CYTH3: variants seen among roughly 807,000 people sequenced by gnomAD.
CYTH3 encodes cytohesin-3.
CYTH3 carries 23 observed loss-of-function variants against 55.1 expected under a neutral mutation model. The observed-to-expected ratio is 0.42, with a 90% CI of 0.30 to 0.59. The LOEUF is 0.59. Among genes scored for constraint, CYTH3 ranks in the 20% least tolerant of loss-of-function variants. The probability of loss-of-function intolerance (pLI) is 0.20; values close to 1 mark genes in which losing one functional copy is unlikely to be tolerated. For synonymous variants in CYTH3, 249 were observed against 194.9 expected (o/e 1.28, Z -2.31); for missense variants, 413 against 524.8 (o/e 0.79, Z 2.08).
chr7:6,224,815 A>G (rs1361357884), intron 1 of CYTH3, among the ~76,000 whole-genome samples: 2 of 152,370 alleles, frequency 1.3e-5, no homozygotes, highest in East Asian at 3.9e-4. Flanking sequence ...CCAAATGTCC[A>G]TCAATGGATG....
chr7:6,251,041 G>A (rs566020998), intron 1 of CYTH3, among the ~76,000 whole-genome samples: 1 of 152,202 alleles, frequency 6.6e-6, no homozygotes, highest in Non-Finnish European at 1.5e-5. Context: ...CACTTTGGGA[G>A]GCCAAGGCGG....
In CYTH3 at chr7:6,225,428, A is replaced by G. The variant is rs530840833; in HGVS notation, c.35-34897T>C. 4.0e-5 allele frequency among the ~76,000 whole-genome samples: 6 copies of G among 150,620 alleles called. No homozygotes were observed. The East Asian group carries it at 1.2e-3, about 29-fold the overall frequency. On this transcript the variant is annotated intron_variant, in intron 1 of 12. Coordinates refer to ENST00000350796, the MANE Select transcript of CYTH3 (RefSeq NM_004227.4). ...GAGTGCAATGGCACGATCTCGGCTCACCACAACCTCTACCTCCCGGGTTCA... is the reference window on the plus strand; with the variant it reads ...GAGTGCAATGGCACGATCTCGGCTCGCCACAACCTCTACCTCCCGGGTTCA...
intron 1 of CYTH3, among the ~76,000 whole-genome samples, chr7:6,256,649 C>G (rs551692334): frequency 1.3e-5 from 2 of 152,284 alleles, no homozygotes; most frequent in African/African-American, 4.8e-5. Context: ...GACTTAAATC[C>G]TAAAACAAAT....
rs559894252 is a variant in CYTH3 at position 6,239,159 on chromosome 7, G to C, written c.34+33315C>G. ...AGCCAGGAGTTGGAGGCTGCAGTGA[G>C]GCTATGATCGCACCACTTTACTCCA... On this transcript the variant is annotated intron_variant, in intron 1 of 12. Coordinates refer to ENST00000350796, the MANE Select transcript of CYTH3 (RefSeq NM_004227.4). Among the ~76,000 whole-genome samples, 71 of 152,274 alleles carry C rather than the reference G, an allele frequency of 4.7e-4. 1 individual carries two copies. Among genetic ancestry groups the C allele is most frequent in the African/African-American group, 1.6e-3 (66 of 41,554 alleles).
At chr7:6,256,953 TC>T (rs771340494) in intron 1 of CYTH3, among the ~76,000 whole-genome samples, 5 of 152,210 alleles carry the variant, frequency 3.3e-5, no homozygotes, top group East Asian at 1.9e-4. Context: ...CATTTGACTT[TC>T]TTTTGTGAAA....
At chr7:6,233,909 A>T (rs1193872204) in intron 1 of CYTH3, among the ~76,000 whole-genome samples, 3 of 148,010 alleles carry the variant, frequency 2.0e-5, no homozygotes, top group Non-Finnish European at 3.1e-5. Flanking sequence ...TGGTTCTTGC[A>T]CAGCTGCCTT....
chr7:6,187,533 A>C, intron 3 of CYTH3, 124 bp downstream of exon 3: 1 of 850,388 alleles, frequency 1.2e-6, no homozygotes, highest in Non-Finnish European at 2.0e-6. Flanking sequence ...GAGGAGAGGA[A>C]TTAACAACTC....
chr7:6,224,332 AAAG>A (rs76865645), intron 1 of CYTH3, among the ~76,000 whole-genome samples: 1 of 151,692 alleles, frequency 6.6e-6, no homozygotes, highest in Non-Finnish European at 1.5e-5. Flanking sequence ...AAAAAAAAAA[AAAG>A]ATTGATGGAA....
At chr7:6,237,894 A>T (rs539948573) in intron 1 of CYTH3, among the ~76,000 whole-genome samples, 4 of 152,346 alleles carry the variant, frequency 2.6e-5, no homozygotes, top group Admixed American at 2.6e-4. Flanking sequence ...CAGGAGTGGC[A>T]AACCCAAGGC....
At chr7:6,256,261 T>C (rs1006504120) in intron 1 of CYTH3, among the ~76,000 whole-genome samples, 3 of 152,146 alleles carry the variant, frequency 2.0e-5, no homozygotes, top group African/African-American at 7.2e-5. Flanking sequence ...GGATATTCTC[T>C]CCAAAGGGAG....
At chr7:6,184,306 C>G (rs940762984) in intron 4 of CYTH3, among the ~76,000 whole-genome samples, 1 of 151,868 alleles carries the variant, frequency 6.6e-6, no homozygotes, top group South Asian at 2.1e-4. Context: ...ATGATCCACC[C>G]GCCTCAGCCT....
intron 1 of CYTH3, among the ~76,000 whole-genome samples, chr7:6,241,887 G>A (rs929368393): frequency 6.6e-6 from 1 of 152,158 alleles, no homozygotes; most frequent in African/African-American, 2.4e-5. Flanking sequence ...GGTGTAACAG[G>A]AGGCAGTGAT....
rs774554573 is a variant in CYTH3 at position 6,173,706 on chromosome 7, T to C, written c.396A>G (p.Gln132=). The C allele has an allele frequency of 5.0e-6, 8 of 1,609,206 alleles. No homozygotes were observed. The highest frequency in any genetic ancestry group is 3.3e-4 in the Middle Eastern group (2 of 6,072). The stretch of plus-strand genomic sequence containing the variant: ...CAAACTCATGGAGTTCAACAAAGGC[T>C]TGAAGAACTTTAATATTAAATTCAT... ...ERDEFNIKVL[Q]AFVELHEFAD... is the part of the protein sequence containing the mutation. The change falls in exon 6 of 13, where the codon CAA becomes CAG. Residue 132 remains glutamine (Q), a synonymous_variant. Coordinates refer to ENST00000350796, the MANE Select transcript of CYTH3 (RefSeq NM_004227.4).
chr7:6,224,312 AG>A (rs1299332379), intron 1 of CYTH3, among the ~76,000 whole-genome samples: 1 of 135,906 alleles, frequency 7.4e-6, no homozygotes, highest in African/African-American at 3.1e-5. Flanking sequence ...CTGCAAAAAT[AG>A]GTAAAAAAAA....
At chr7:6,233,002 C>T (rs1779426283) in intron 1 of CYTH3, among the ~76,000 whole-genome samples, 1 of 152,178 alleles carries the variant, frequency 6.6e-6, no homozygotes, top group African/African-American at 2.4e-5. Context: ...CTTCTACTCT[C>T]TTACTTCTAC....
intron 1 of CYTH3, among the ~76,000 whole-genome samples, chr7:6,233,001 TCTTA>T (rs1249572737): frequency 6.6e-6 from 1 of 152,162 alleles, no homozygotes; most frequent in Non-Finnish European, 1.5e-5. Flanking sequence ...ACTTCTACTC[TCTTA>T]CTTCTACAGT....
intron 1 of CYTH3, among the ~76,000 whole-genome samples, chr7:6,260,836 C>A (rs1780336252): frequency 6.6e-6 from 1 of 152,128 alleles, no homozygotes; most frequent in Non-Finnish European, 1.5e-5. Flanking sequence ...GAATTAAAAT[C>A]TCCCCAATGT....
intron 2 of CYTH3, 127 bp from the exon 3 acceptor site, chr7:6,187,848 A>C (rs1468825218): frequency 6.6e-6 from 5 of 757,988 alleles, no homozygotes; most frequent in African/African-American, 1.7e-5. Flanking sequence ...GGGATGGAAA[A>C]ACCAATACTA....
chr7:6,200,262 G>A (rs554905878), intron 1 of CYTH3, among the ~76,000 whole-genome samples: 2 of 152,234 alleles, frequency 1.3e-5, no homozygotes, highest in African/African-American at 4.8e-5. Flanking sequence ...CTAGTTTACT[G>A]CTATAAATAG....
Sources: gnomAD v4.1 joint callset for allele counts (sites outside exome capture counted in the v4.1 genomes callset) on GRCh38, gnomAD v4.1.1 for gene constraint, MANE v1.5 for transcripts, NCBI Gene and HGNC (gene_info 2026-07-23, HGNC 2026-07-21) for gene names.